The following ZNF385D variants were observed in gnomAD, a reference collection of about 807,000 sequenced individuals.
ZNF385D encodes zinc finger protein 659.
Under a neutral mutation model 35.8 loss-of-function variants are expected in ZNF385D, and 15 were observed. That is an observed-to-expected ratio of 0.42 (90% confidence interval 0.28 to 0.64). The LOEUF (loss-of-function observed/expected upper bound fraction) is 0.64, where lower values mean the gene tolerates loss of function less well. Among genes scored for constraint, ZNF385D ranks in the 30% least tolerant of loss-of-function variants. ZNF385D has a pLI of 0.23. For synonymous variants in ZNF385D, 212 were observed against 186.8 expected (o/e 1.13, Z -1.10); for missense variants, 474 against 494.6 (o/e 0.96, Z 0.39).
chr3:21,962,955 A>T (rs1306854326), intron 3 of ZNF385D, among the ~76,000 whole-genome samples: 1 of 152,208 alleles, frequency 6.6e-6, no homozygotes, highest in Non-Finnish European at 1.5e-5. Flanking sequence ...AACACCAAAC[A>T]CTTTCTCCAA....
intron 2 of ZNF385D, among the ~76,000 whole-genome samples, chr3:22,358,046 G>A (rs764870719): frequency 6.6e-6 from 1 of 151,854 alleles, no homozygotes; most frequent in Non-Finnish European, 1.5e-5. Context: ...TATTTCCAAA[G>A]TTTGTACCTT....
chr3:21,751,541 T>G, upstream of ZNF385D: 1 of 726,916 alleles, frequency 1.4e-6, no homozygotes, highest in Non-Finnish European at 1.7e-6. Context: ...AAATTTAACC[T>G]CCTCTACCAA....
intron 3 of ZNF385D, among the ~76,000 whole-genome samples, chr3:22,078,635 A>T (rs1042824843): frequency 5.3e-5 from 8 of 152,092 alleles, no homozygotes; most frequent in African/African-American, 1.9e-4. Flanking sequence ...ATTATCTTCA[A>T]AACAGAAATC....
intron 3 of ZNF385D, among the ~76,000 whole-genome samples, chr3:21,802,201 TTATC>T (rs1233331230): frequency 6.6e-6 from 1 of 152,168 alleles, no homozygotes; most frequent in Non-Finnish European, 1.5e-5. Context: ...AATTCCAATA[TTATC>T]TAAGATCTTA....
At chr3:21,533,686 A>T (rs941797167) in intron 3 of ZNF385D, among the ~76,000 whole-genome samples, 1 of 152,144 alleles carries the variant, frequency 6.6e-6, no homozygotes, top group Non-Finnish European at 1.5e-5. Context: ...AGAAAACCTG[A>T]AATCAACCTG....
At chr3:22,050,935 G>T (rs1221683001) in intron 3 of ZNF385D, among the ~76,000 whole-genome samples, 1 of 25,516 alleles carries the variant, frequency 3.9e-5, no homozygotes, top group Non-Finnish European at 8.3e-5. Flanking sequence ...GTCAATTTTG[G>T]AATAGGTGTG....
At chr3:22,110,685 G>A (rs1308150193) in intron 3 of ZNF385D, among the ~76,000 whole-genome samples, 2 of 151,708 alleles carry the variant, frequency 1.3e-5, no homozygotes, top group African/African-American at 4.8e-5. Flanking sequence ...TACACCTAAT[G>A]TTAAATGACA....
intron 4 of ZNF385D, among the ~76,000 whole-genome samples, chr3:21,506,364 T>C (rs1344373093): frequency 6.6e-6 from 1 of 152,144 alleles, no homozygotes; most frequent in Non-Finnish European, 1.5e-5. Context: ...TAATTAGATA[T>C]TGCAAAAGCC....
intron 2 of ZNF385D, among the ~76,000 whole-genome samples, chr3:21,631,911 C>A (rs146310642): frequency 6.6e-6 from 1 of 152,052 alleles, no homozygotes; most frequent in Admixed American, 6.6e-5. Flanking sequence ...TTCATTGAAG[C>A]CTTCAGCTTC....
chr3:21,795,929 A>G (rs561679925), intron 3 of ZNF385D, among the ~76,000 whole-genome samples: 1 of 152,344 alleles, frequency 6.6e-6, no homozygotes, highest in South Asian at 2.1e-4. Context: ...ATAATTTGCT[A>G]CAAAGGTAAG....
At position 22,254,807 on chromosome 3, in the gene ZNF385D, G is replaced by C. The variant is rs894418801; in HGVS notation, c.107-85772C>G. Among the ~76,000 whole-genome samples, 8 of 151,884 alleles carry C rather than the reference G, an allele frequency of 5.3e-5. No individual in the cohort carries two copies. In the South Asian group the frequency reaches 1.0e-3, roughly 20 times the overall value. ...AAGGGTTACTAAGCAAAATCGCAGT[G>C]CTTGTATTCAAGTAACCCTTCTTTT... is the stretch of plus-strand genomic sequence containing the variant. On this transcript the variant is annotated intron_variant, in intron 2 of 5. Coordinates refer to the ZNF385D transcript ENST00000494108.
chr3:21,846,190 G>C (rs1297269346), intron 3 of ZNF385D, among the ~76,000 whole-genome samples: 1 of 152,022 alleles, frequency 6.6e-6, no homozygotes, highest in Admixed American at 6.6e-5. Flanking sequence ...GGCCAACATG[G>C]TAGAGTGAGG....
rs193231935 is a variant in ZNF385D at position 21,788,414 on chromosome 3, G to A, written c.326-123386C>T. Among the ~76,000 whole-genome samples the A allele has an allele frequency of 9.0e-4, 137 of 152,266 alleles. 1 individual carries two copies. Among genetic ancestry groups the A allele is most frequent in the Non-Finnish European group, 1.3e-3 (86 of 68,028 alleles). On this transcript the variant is annotated intron_variant, in intron 3 of 5. Transcript: ENST00000494108. Reference sequence around the variant, plus strand: ...AATCGTTTAAACCTGGGAGGCAGAGGTTGCAGTGAGCTGAGACTGCACCCA... The same window carrying A: ...AATCGTTTAAACCTGGGAGGCAGAGATTGCAGTGAGCTGAGACTGCACCCA...
intron 3 of ZNF385D, among the ~76,000 whole-genome samples, chr3:21,910,304 A>G (rs17010080): frequency 0.049 from 7,399 of 152,022 alleles, 771 homozygotes; most frequent in Admixed American, 0.24. Flanking sequence ...TGTTTTACGT[A>G]GTTTCCAGCT....
chr3:21,463,273 TA>T (rs200971094), intron 4 of ZNF385D, among the ~76,000 whole-genome samples: 23 of 151,362 alleles, frequency 1.5e-4, no homozygotes, highest in African/African-American at 3.6e-4. Flanking sequence ...GTGGCTTTTA[TA>T]AAAAAAAATA....
chr3:21,830,157 G>C (rs73042746), intron 3 of ZNF385D, among the ~76,000 whole-genome samples: 16,607 of 152,046 alleles, frequency 0.11, 1,049 homozygotes, highest in East Asian at 0.27. Context: ...AGTTATCTAA[G>C]AAAAAGACTT....
chr3:21,830,678 G>A (rs923728806), intron 3 of ZNF385D, among the ~76,000 whole-genome samples: 4 of 151,652 alleles, frequency 2.6e-5, no homozygotes, highest in African/African-American at 9.8e-5. Flanking sequence ...GTAGAGTTGC[G>A]GAATGTGCCT....
rs376368993 is a variant in ZNF385D at position 21,610,777 on chromosome 3, C to CAA, written c.166-46094_166-46093insTT. On this transcript the variant is annotated intron_variant, in intron 2 of 7. Transcript: ENST00000281523. Reference sequence around the variant, plus strand: ...GCGACAGAGCGAGACTCCGTCCCCCCCAAAAAAAAAAAACAATAGTCATGT... The same window carrying CAA: ...GCGACAGAGCGAGACTCCGTCCCCCCAACAAAAAAAAAAAACAATAGTCATGT... Among the ~76,000 whole-genome samples, 94 of 148,184 alleles carry CAA rather than the reference C, an allele frequency of 6.3e-4. 2 individuals are homozygous for CAA. The highest frequency in any genetic ancestry group is 8.6e-4 in the South Asian group (4 of 4,632).
intron 3 of ZNF385D, among the ~76,000 whole-genome samples, chr3:22,139,784 G>C (rs1448466960): frequency 6.6e-6 from 1 of 151,836 alleles, no homozygotes; most frequent in African/African-American, 2.4e-5. Context: ...AAAAAGAATA[G>C]TTCATTAAGT....
Sources: allele counts gnomAD v4.1 joint callset (sites outside exome capture counted in the v4.1 genomes callset), GRCh38; gene constraint gnomAD v4.1.1; transcripts MANE v1.5; gene names NCBI Gene and HGNC (gene_info 2026-07-23, HGNC 2026-07-21).